The following DNAJC13 variants were observed in gnomAD, a reference collection of about 807,000 sequenced individuals.
DNAJC13 encodes DnaJ heat shock protein family (Hsp40) member C13.
Under a neutral mutation model 290.5 loss-of-function variants are expected in DNAJC13, and 75 were observed. The observed-to-expected ratio is 0.26, with a 90% confidence interval of 0.21 to 0.31. DNAJC13 has a LOEUF of 0.31. DNAJC13 is among the 10% of genes least tolerant of loss of function. The pLI is 1.00. For missense variants in DNAJC13, 2,260 were observed against 2,674.5 expected (o/e 0.85, Z 3.42); for synonymous variants, 862 against 892.0 (o/e 0.97, Z 0.60).
rs113683195 is a variant in DNAJC13, at chr3:132,500,859, C to T, written c.4482C>T (p.Ile1494=). The T allele has an allele frequency of 2.1e-5, 34 of 1,613,996 alleles. No individual in the cohort carries two copies. In the African/African-American group the frequency reaches 2.7e-4, roughly 13 times the overall value. Residue 1494 remains isoleucine, a synonymous_variant, in exon 39 of 56, where the codon ATC becomes ATT. Coordinates refer to ENST00000260818, the MANE Select transcript of DNAJC13 (RefSeq NM_015268.4). ...AGTTTGAGGAATGCCGAGAGAAGAT[C>T]ACGGAAATGCCTAGCATCATCAAGG... ...AAQFEECREK[I]TEMPSIIKDL...
chr3:132,465,843 A>G, intron 17 of DNAJC13, 152 bp from the exon 18 acceptor site: 1 of 549,690 alleles, frequency 1.8e-6, no homozygotes, highest in Non-Finnish European at 3.2e-6. Context: ...AACTCTCCAC[A>G]TTAAATTTTT....
Position 132,499,326 on chromosome 3 carries a change from C to G in DNAJC13, c.4341+16C>G. 2.6e-6 allele frequency: 4 copies of G among 1,560,284 alleles called. No individual in the cohort carries two copies. Among genetic ancestry groups the G allele is most frequent in the Non-Finnish European group, 3.5e-6 (4 of 1,151,318 alleles). The stretch of plus-strand genomic sequence containing the variant: ...TGGACTAGAGGTAATACGGAGTGAC[C>G]TTTGTGCTTTTTAAGCCAGTTTACA... On this transcript the variant is annotated intron_variant, in intron 37 of 55. Coordinates refer to ENST00000260818, the MANE Select transcript of DNAJC13 (RefSeq NM_015268.4).
chr3:132,537,049 TG>T (rs1355827690), intron 55 of DNAJC13: 3 of 448,894 alleles, frequency 6.7e-6, no homozygotes, highest in African/African-American at 4.0e-5. Flanking sequence ...ATCTGAATGG[TG>T]GCCTTTTTGT....
intron 20 of DNAJC13, among the ~76,000 whole-genome samples, chr3:132,471,489 C>T (rs1452776655): frequency 3.7e-5 from 5 of 136,906 alleles, no homozygotes; most frequent in Non-Finnish European, 6.4e-5. Context: ...ACTTCTCAGA[C>T]GGGGTGGTTG....
chr3:132,528,107 A>G (rs1315447262), intron 53 of DNAJC13, 82 bp from the exon 54 acceptor site: 8 of 1,495,704 alleles, frequency 5.3e-6, no homozygotes, highest in Admixed American at 1.8e-5. Context: ...CCTTCCAGGT[A>G]GGTCCTGGGG....
At position 132,474,952 on chromosome 3, in the gene DNAJC13, G is replaced by T; in HGVS notation, c.2312G>T (p.Arg771Met). 1 of 1,605,894 alleles carries T rather than the reference G, an allele frequency of 6.2e-7. No individual in the cohort carries two copies. Among genetic ancestry groups the T allele is most frequent in the African/African-American group, 1.3e-5 (1 of 74,232 alleles). Residue 771 changes from arginine (R) to methionine (M), a missense_variant, in exon 22 of 56, where the codon AGG becomes ATG. Physicochemically the swap from Arg to Met is moderately conservative, Grantham distance 91 (BLOSUM62 -1). Coordinates refer to ENST00000260818, the MANE Select transcript of DNAJC13 (RefSeq NM_015268.4). ...FYYRFGQDHA[R>M]SNLIWNFKTR... ...TCTAGGTTTGGTCAAGACCATGCCA[G>T]GTCAAACCTTATTTGGAATTTCAAA... is the stretch of plus-strand genomic sequence containing the variant.
chr3:132,527,133 T>C (rs1936283021), intron 53 of DNAJC13, among the ~76,000 whole-genome samples: 1 of 152,258 alleles, frequency 6.6e-6, no homozygotes, highest in South Asian at 2.1e-4. Context: ...ATGGTAGATA[T>C]GCTAATTAGC....
chr3:132,425,550 C>T (rs574070074), intron 1 of DNAJC13, among the ~76,000 whole-genome samples: 2 of 152,246 alleles, frequency 1.3e-5, no homozygotes, highest in South Asian at 4.1e-4. Context: ...AAAACAAATT[C>T]ACATTTTTAG....
chr3:132,485,067 G>C (rs1198714600), intron 29 of DNAJC13, among the ~76,000 whole-genome samples: 1 of 152,110 alleles, frequency 6.6e-6, no homozygotes, highest in Admixed American at 6.5e-5. Context: ...CTGGGCAACA[G>C]AGCAAGACCT....
intron 46 of DNAJC13, among the ~76,000 whole-genome samples, chr3:132,515,784 A>G (rs1340881890): frequency 6.6e-6 from 1 of 152,190 alleles, no homozygotes; most frequent in African/African-American, 2.4e-5. Context: ...GCTAAGGTAC[A>G]TTGTTACTGT....
intron 17 of DNAJC13, among the ~76,000 whole-genome samples, chr3:132,465,297 A>C (rs1432604281): frequency 6.6e-6 from 1 of 152,136 alleles, no homozygotes; most frequent in Non-Finnish European, 1.5e-5. Flanking sequence ...ATGGTAATTG[A>C]ATCCCCACCA....
chr3:132,480,056 A>G (rs1209886343), intron 25 of DNAJC13, among the ~76,000 whole-genome samples: 1 of 152,192 alleles, frequency 6.6e-6, no homozygotes, highest in African/African-American at 2.4e-5. Flanking sequence ...TCTGTTTATT[A>G]AAAAGACCTT....
chr3:132,456,166 T>G, intron 9 of DNAJC13, 69 bp from the exon 10 acceptor site: 1 of 1,468,248 alleles, frequency 6.8e-7, no homozygotes, highest in Non-Finnish European at 9.4e-7. Flanking sequence ...GGGCCTATGC[T>G]TCATGCTAGA....
At chr3:132,482,181 T>C (rs1426864166) in intron 26 of DNAJC13, 45 bp from the exon 27 acceptor site, 3 of 1,543,882 alleles carry the variant, frequency 1.9e-6, no homozygotes, top group Admixed American at 1.7e-5. Context: ...TCTGGTCTTT[T>C]AGATTTCTGC....
In DNAJC13 at chr3:132,499,275, A is replaced by C; in HGVS notation, c.4306A>C (p.Asn1436His). 1 of 1,612,158 alleles carries C rather than the reference A, an allele frequency of 6.2e-7. No individual in the cohort carries two copies. Among genetic ancestry groups the C allele is most frequent in the Non-Finnish European group, 8.5e-7 (1 of 1,178,902 alleles). ...CCATACTGTCAACTGTTCAGCCCTC[A>C]ATGCTGAAGAGCTCAGAAGAGAGAA... ...AFHTVNCSAL[N>H]AEELRRENGL... The change falls in exon 37 of 56, where the codon AAT becomes CAT. Residue 1436 changes from asparagine to histidine, a missense_variant. Physicochemically the swap from Asn to His is moderately conservative, Grantham distance 68. Coordinates refer to ENST00000260818, the MANE Select transcript of DNAJC13 (RefSeq NM_015268.4).
Position 132,499,229 on chromosome 3 carries a change from T to C in DNAJC13, c.4260T>C (p.Pro1420=), listed in dbSNP as rs1935335729. ...TCTCAAAAGAATCACCATTGTTGCC[T>C]GCGGCTACAGAGCTAGCTTTCCATA... ...LLFSKESPLL[P]AATELAFHTV... Residue 1420 remains proline (P), a synonymous_variant, in exon 37 of 56, where the codon CCT becomes CCC. Transcript: ENST00000260818. 1 of 1,614,084 alleles carries C rather than the reference T, an allele frequency of 6.2e-7. No individual in the cohort carries two copies. Among genetic ancestry groups the C allele is most frequent in the Non-Finnish European group, 8.5e-7 (1 of 1,179,936 alleles).
In DNAJC13 at chr3:132,456,812, G is replaced by T. The variant is rs766044778; in HGVS notation, c.1329G>T (p.Leu443=). 9.9e-6 allele frequency: 16 copies of T among 1,612,436 alleles called. No homozygotes were observed. The East Asian group carries it at 3.6e-4, about 36-fold the overall frequency. The change falls in exon 12 of 56, where the codon CTG becomes CTT. Residue 443 remains leucine, a synonymous_variant. Transcript: ENST00000260818. ...TTGTGGCATCCAAAGCTGGTTTCCT[G>T]GCTTTCACTCAGCTTCCAAAGTAAG... is the stretch of plus-strand genomic sequence containing the variant. The part of the protein sequence containing the change: ...RRLVASKAGF[L]AFTQLPKFRE...
chr3:132,537,594 A>G (rs539477307), intron 55 of DNAJC13, among the ~76,000 whole-genome samples: 1 of 152,372 alleles, frequency 6.6e-6, no homozygotes, highest in South Asian at 2.1e-4. Context: ...ATATAAGACT[A>G]AAATATCAGT....
At chr3:132,496,708 T>G (rs935538606) in intron 36 of DNAJC13, 45 bp downstream of exon 36, 21 of 1,548,358 alleles carry the variant, frequency 1.4e-5, no homozygotes, top group Non-Finnish European at 1.7e-5. Flanking sequence ...CCAGCTAACC[T>G]TATCACAGCT....
Sources: allele counts gnomAD v4.1 joint callset (sites outside exome capture counted in the v4.1 genomes callset), GRCh38; gene constraint gnomAD v4.1.1; transcripts MANE v1.5; gene names NCBI Gene and HGNC (gene_info 2026-07-23, HGNC 2026-07-21).